Variants in CCDC85A observed in about 807,000 individuals in gnomAD.
The protein encoded by CCDC85A is coiled-coil domain containing 85A.
CCDC85A carries 38 observed loss-of-function variants against 50.2 expected under a neutral mutation model. The ratio of observed to expected loss-of-function variants is 0.76; its 90% CI spans 0.58 to 0.99. The LOEUF (loss-of-function observed/expected upper bound fraction) is 0.99. Among genes scored for constraint, CCDC85A ranks in the 50% least tolerant of loss-of-function variants. The pLI, the probability that CCDC85A is intolerant of heterozygous loss-of-function variation, is 0.00. For missense variants in CCDC85A, 820 were observed against 742.0 expected (o/e 1.11, Z -1.22); for synonymous variants, 366 against 301.4 (o/e 1.21, Z -2.22).
chr2:56,215,910 G>A (rs985285763), intron 2 of CCDC85A, among the ~76,000 whole-genome samples: 10 of 151,770 alleles, frequency 6.6e-5, no homozygotes, highest in Non-Finnish European at 1.5e-4. Context: ...AATATTTTAT[G>A]ACAAGAAAAT....
At chr2:56,308,115 C>G (rs1296958033) in intron 2 of CCDC85A, among the ~76,000 whole-genome samples, 1 of 152,186 alleles carries the variant, frequency 6.6e-6, no homozygotes, top group East Asian at 1.9e-4. Context: ...AGTACCAAAT[C>G]ATTTCAGGCA....
At chr2:56,368,146 G>C (rs925234829) in intron 3 of CCDC85A, among the ~76,000 whole-genome samples, 22 of 152,262 alleles carry the variant, frequency 1.4e-4, no homozygotes, top group African/African-American at 5.1e-4. Flanking sequence ...TGTTTGTTAA[G>C]TGAATAAATG....
At chr2:56,379,276 G>GTGC (rs1310499045) in intron 5 of CCDC85A, among the ~76,000 whole-genome samples, 1 of 152,102 alleles carries the variant, frequency 6.6e-6, no homozygotes, top group Non-Finnish European at 1.5e-5. Context: ...TAGTTCTTAC[G>GTGC]TGCATATTCC....
chr2:56,374,933 T>C (rs1211628849), intron 4 of CCDC85A, among the ~76,000 whole-genome samples: 1 of 152,234 alleles, frequency 6.6e-6, no homozygotes, highest in African/African-American at 2.4e-5. Context: ...CAATTAGACA[T>C]GAAAAATTCT....
At chr2:56,380,634 A>T (rs1343667904) in intron 5 of CCDC85A, among the ~76,000 whole-genome samples, 1 of 151,066 alleles carries the variant, frequency 6.6e-6, no homozygotes, top group Non-Finnish European at 1.5e-5. Flanking sequence ...GTAAAAAAAT[A>T]AATAAATAAA....
intron 2 of CCDC85A, among the ~76,000 whole-genome samples, chr2:56,307,433 A>C (rs2104212592): frequency 6.6e-6 from 1 of 152,286 alleles, no homozygotes; most frequent in South Asian, 2.1e-4. Flanking sequence ...CTAGTGCCTA[A>C]CCCAGTGATA....
rs545322401 is a variant in CCDC85A, at chr2:56,303,667, T to C, written c.1241-39212T>C. 1.9e-3 allele frequency among the ~76,000 whole-genome samples: 291 copies of C among 152,266 alleles called. 1 individual carries two copies. The highest frequency in any genetic ancestry group is 6.7e-3 in the African/African-American group (280 of 41,544). On this transcript the variant is annotated intron_variant, in intron 2 of 5. Transcript: ENST00000407595. ...ATTATTATTTTTTCTCTCTGAATGG[T>C]TGCTGTGTGTATAGTGCAGATGAGA...
chr2:56,367,259 G>A (rs755921320), intron 3 of CCDC85A, among the ~76,000 whole-genome samples: 1 of 152,172 alleles, frequency 6.6e-6, no homozygotes, highest in Non-Finnish European at 1.5e-5. Context: ...TGTTGTTACA[G>A]TAGGATGATA....
At chr2:56,373,777 A>G (rs914346378) in intron 4 of CCDC85A, among the ~76,000 whole-genome samples, 2 of 152,224 alleles carry the variant, frequency 1.3e-5, no homozygotes, top group African/African-American at 2.4e-5. Context: ...CGAATTCTGT[A>G]TAACCTGAGA....
intron 4 of CCDC85A, among the ~76,000 whole-genome samples, chr2:56,373,631 A>G (rs1256322521): frequency 6.6e-6 from 1 of 152,212 alleles, no homozygotes; most frequent in Non-Finnish European, 1.5e-5. Flanking sequence ...TGGGCAGAAA[A>G]GGATTTGAAA....
intron 2 of CCDC85A, among the ~76,000 whole-genome samples, chr2:56,233,728 C>G (rs1273879647): frequency 6.6e-6 from 1 of 152,206 alleles, no homozygotes. Context: ...GTAGTACTCT[C>G]ATGTTATATT....
chr2:56,223,845 C>T (rs1668431813), intron 2 of CCDC85A, among the ~76,000 whole-genome samples: 1 of 152,076 alleles, frequency 6.6e-6, no homozygotes, highest in Non-Finnish European at 1.5e-5. Flanking sequence ...TTTCCATTTC[C>T]CTAAATAACG....
At chr2:56,331,575 G>T (rs1351351126) in intron 2 of CCDC85A, among the ~76,000 whole-genome samples, 3 of 152,024 alleles carry the variant, frequency 2.0e-5, no homozygotes, top group Non-Finnish European at 4.4e-5. Context: ...AAGATTGGGG[G>T]GTTGAACACG....
chr2:56,255,752 TTTG>T (rs759080051), intron 2 of CCDC85A, among the ~76,000 whole-genome samples: 7 of 151,996 alleles, frequency 4.6e-5, no homozygotes, highest in Non-Finnish European at 7.4e-5. Flanking sequence ...GGTTGGGGTT[TTTG>T]TTGTTGTTGT....
chr2:56,228,235 C>T (rs1471620114), intron 2 of CCDC85A, among the ~76,000 whole-genome samples: 2 of 151,970 alleles, frequency 1.3e-5, no homozygotes, highest in Non-Finnish European at 2.9e-5. Flanking sequence ...TGTAAATTGA[C>T]GAGTTGATGG....
chr2:56,265,997 G>C (rs954049143), intron 2 of CCDC85A, among the ~76,000 whole-genome samples: 2 of 152,112 alleles, frequency 1.3e-5, no homozygotes, highest in African/African-American at 2.4e-5. Context: ...TTGCCACATC[G>C]TGAATGAACC....
At chr2:56,230,673 CT>C (rs1382367631) in intron 2 of CCDC85A, among the ~76,000 whole-genome samples, 1 of 152,212 alleles carries the variant, frequency 6.6e-6, no homozygotes, top group Non-Finnish European at 1.5e-5. Context: ...AAAAAATTCT[CT>C]GTGTTCTGAC....
chr2:56,228,219 C>T (rs187659122), intron 2 of CCDC85A, among the ~76,000 whole-genome samples: 1 of 152,060 alleles, frequency 6.6e-6, no homozygotes, highest in African/African-American at 2.4e-5. Flanking sequence ...CCCTAATTTC[C>T]TTATCTGTAA....
chr2:56,306,969 T>C (rs1221009632), intron 2 of CCDC85A, among the ~76,000 whole-genome samples: 1 of 152,170 alleles, frequency 6.6e-6, no homozygotes, highest in Non-Finnish European at 1.5e-5. Flanking sequence ...GAATGATTGA[T>C]TGAAAATTTA....
Sources: allele counts gnomAD v4.1 joint callset (sites outside exome capture counted in the v4.1 genomes callset), GRCh38; gene constraint gnomAD v4.1.1; transcripts MANE v1.5; gene names NCBI Gene and HGNC (gene_info 2026-07-23, HGNC 2026-07-21).